Variants in GNS observed in about 807,000 individuals in gnomAD.
GNS encodes N-acetylglucosamine-6-sulfatase.
A neutral mutation model predicts 69.7 loss-of-function variants in GNS; 40 were observed. The ratio of observed to expected loss-of-function variants is 0.57; its 90% CI spans 0.45 to 0.75. The LOEUF (loss-of-function observed/expected upper bound fraction) is 0.75. Ranked by LOEUF, GNS falls within the 30% of genes least tolerant of loss-of-function variation. The probability of loss-of-function intolerance (pLI) is 0.00; values close to 1 mark genes in which losing one functional copy is unlikely to be tolerated. For missense variants in GNS, 565 were observed against 685.5 expected (o/e 0.82, Z 1.96); for synonymous variants, 243 against 251.6 (o/e 0.97, Z 0.32).
Position 64,714,694 on chromosome 12 carries a change from A to C in GNS, c.*2047T>G, listed in dbSNP as rs566964017. Reference sequence around the variant, plus strand: ...TGAGTTCTGCTCAGGAACAAGCATAAAACTGAATAATATGACATCACAGTC... The same window carrying C: ...TGAGTTCTGCTCAGGAACAAGCATACAACTGAATAATATGACATCACAGTC... On this transcript the variant is annotated 3_prime_UTR_variant, in exon 14 of 14. Coordinates refer to ENST00000258145, the MANE Select transcript of GNS (RefSeq NM_002076.4). 4 of 152,314 alleles carry C rather than the reference A, an allele frequency of 2.6e-5. No homozygotes were observed. Among genetic ancestry groups the C allele is most frequent in the Non-Finnish European group, 5.9e-5 (4 of 68,020 alleles). The allele number at this position is 152,314 out of a possible 1,614,324, so 9.4% of individuals were successfully genotyped here.
chr12:64,732,606 G>A (rs1313001403), intron 9 of GNS, among the ~76,000 whole-genome samples: 6 of 150,696 alleles, frequency 4.0e-5, no homozygotes, highest in Non-Finnish European at 8.9e-5. Flanking sequence ...GACTATAGGC[G>A]CCCGCCACCA....
At chr12:64,739,165 C>A (rs1869645318) in intron 8 of GNS, among the ~76,000 whole-genome samples, 1 of 152,162 alleles carries the variant, frequency 6.6e-6, no homozygotes, top group Admixed American at 6.5e-5. Flanking sequence ...TCCTAGAACA[C>A]CATGTCATCT....
At chr12:64,758,804 C>G (rs949187833) in intron 1 of GNS, among the ~76,000 whole-genome samples, 6 of 152,212 alleles carry the variant, frequency 3.9e-5, no homozygotes, top group Non-Finnish European at 7.3e-5. Context: ...CCATCCTCCA[C>G]TGGTCTCCAC....
At position 64,728,996 on chromosome 12, in the gene GNS, T is replaced by C. The variant is rs770725025; in HGVS notation, c.1160A>G (p.Asn387Ser). The change falls in exon 10 of 14, where the codon AAT becomes AGT. Residue 387 changes from asparagine (N) to serine (S), a missense_variant. Coordinates refer to ENST00000258145, the MANE Select transcript of GNS (RefSeq NM_002076.4). Reference protein sequence around the residue: ...TILDIAGYDLNKTQMDGMSLL... With the variant: ...TILDIAGYDLSKTQMDGMSLL... ...GGACATCCCATCCATCTGTGTCTTA[T>C]TTAGGTCGTAGCCAGCAATGTCCAA... is the stretch of plus-strand genomic sequence containing the variant. 1.2e-5 allele frequency: 20 copies of C among 1,602,332 alleles called. No homozygotes were observed. The highest frequency in any genetic ancestry group is 1.6e-5 in the Non-Finnish European group (19 of 1,169,244).
chr12:64,722,820 A>G, intron 11 of GNS, 186 bp downstream of exon 11: 1 of 606,094 alleles, frequency 1.6e-6, no homozygotes, highest in Non-Finnish European at 3.0e-6. Flanking sequence ...GCACATTCTG[A>G]TGACAGGTCA....
intron 9 of GNS, among the ~76,000 whole-genome samples, chr12:64,733,463 C>T (rs1262143265): frequency 6.6e-6 from 1 of 152,084 alleles, no homozygotes; most frequent in Non-Finnish European, 1.5e-5. Context: ...TCCAGACACC[C>T]AAACCCTGAT....
At chr12:64,758,495 T>C (rs1870347580) in intron 1 of GNS, among the ~76,000 whole-genome samples, 1 of 151,980 alleles carries the variant, frequency 6.6e-6, no homozygotes, top group Non-Finnish European at 1.5e-5. Context: ...GCTAGAATTA[T>C]TGTATTTCTA....
intron 6 of GNS, among the ~76,000 whole-genome samples, chr12:64,741,934 C>T (rs765422528): frequency 2.6e-5 from 4 of 152,302 alleles, no homozygotes; most frequent in African/African-American, 9.6e-5. Context: ...TTTTTATTAA[C>T]TTCTTTTGGA....
intron 9 of GNS, among the ~76,000 whole-genome samples, chr12:64,730,209 CAG>C (rs1467387188): frequency 6.6e-6 from 1 of 152,022 alleles, no homozygotes; most frequent in Non-Finnish European, 1.5e-5. Context: ...TCCTTGGACA[CAG>C]TGTTTATAGG....
At chr12:64,757,296 A>C (rs763862512) in intron 1 of GNS, among the ~76,000 whole-genome samples, 3 of 152,268 alleles carry the variant, frequency 2.0e-5, no homozygotes, top group Non-Finnish European at 4.4e-5. Context: ...TGAATACCTT[A>C]TATTTAAGTA....
At chr12:64,724,373 T>C (rs75991255) in intron 10 of GNS, among the ~76,000 whole-genome samples, 1,676 of 152,320 alleles carry the variant, frequency 0.011, 43 homozygotes, top group African/African-American at 0.039. Flanking sequence ...ATCACTGCTC[T>C]AAAGAATGCT....
intron 10 of GNS, 32 bp downstream of exon 10, chr12:64,728,924 G>A: frequency 1.0e-6 from 1 of 959,032 alleles, no homozygotes; most frequent in Non-Finnish European, 1.7e-6. Flanking sequence ...TTGCGGTCTT[G>A]GCTCAGGCCT....
intron 10 of GNS, among the ~76,000 whole-genome samples, chr12:64,726,297 C>T (rs74098643): frequency 0.034 from 5,173 of 150,528 alleles, 322 homozygotes; most frequent in African/African-American, 0.12. Context: ...TGGACAGATT[C>T]GTGGAGCAAA....
At chr12:64,756,983 G>A (rs956025208) in intron 1 of GNS, among the ~76,000 whole-genome samples, 5 of 152,116 alleles carry the variant, frequency 3.3e-5, no homozygotes, top group Admixed American at 6.5e-5. Context: ...GTTCAAGACC[G>A]ACTTGGGCAA....
chr12:64,720,168 G>T lies in GNS; in HGVS notation c.1434C>A (p.Val478=). ...GGTCTGGGTCTGCAGTCAGATTATA[G>T]ACTTCTACAAACACCTAGAGGACAT... is the stretch of plus-strand genomic sequence containing the variant. ...EFDDQEVFVE[V]YNLTADPDQI... Residue 478 remains valine, a synonymous_variant, in exon 13 of 14, where the codon GTC becomes GTA. Transcript: ENST00000258145. 1 of 1,600,756 alleles carries T rather than the reference G, an allele frequency of 6.2e-7. No individual in the cohort carries two copies. The highest frequency in any genetic ancestry group is 1.3e-5 in the African/African-American group (1 of 74,664).
intron 10 of GNS, 59 bp from the exon 11 acceptor site, chr12:64,723,172 A>G: frequency 9.4e-7 from 1 of 1,061,494 alleles, no homozygotes; most frequent in Non-Finnish European, 1.5e-6. Flanking sequence ...AAAGATCACA[A>G]AGTAATTGAC....
Position 64,741,062 on chromosome 12 carries a change from T to TAACTTTACCTTCCTCTA in GNS, c.793-375_793-374insTAGAGGAAGGTAAAGTT, listed in dbSNP as rs1369825036. Among the ~76,000 whole-genome samples the TAACTTTACCTTCCTCTA allele has an allele frequency of 1.4e-3, 98 of 72,424 alleles. 5 individuals carry two copies. The highest frequency in any genetic ancestry group is 5.1e-3 in the Middle Eastern group (1 of 198). The allele number at this position is 72,424 out of a possible 152,430, so 47.5% of individuals were successfully genotyped here. A position where few individuals can be genotyped will look rare whatever the true frequency, so the allele number is the denominator to read the frequency against. On this transcript the variant is annotated intron_variant, in intron 6 of 13. Transcript: ENST00000258145. ...CTACTACAATTAGAAAATGGGCAAA[T>TAACTTTACCTTCCTCTA]AGGGCGTAGTGGCGGGCGCCTGTAG...
At position 64,759,106 on chromosome 12, in the gene GNS, C is replaced by A. The variant is rs868445699; in HGVS notation, c.171G>T (p.Gln57His). Residue 57 changes from glutamine to histidine, a missense_variant, in exon 1 of 14, where the codon CAG becomes CAT. Transcript: ENST00000258145. ...PNVVLLLTDDQDEVLGGMTPL... is the reference protein window; with the variant it reads ...PNVVLLLTDDHDEVLGGMTPL... ...TTACCATGCCGCCGAGCACTTCGTC[C>A]TGGTCGTCCGTGAGGAGCAGCACCA... 1 of 1,564,186 alleles carries A rather than the reference C, an allele frequency of 6.4e-7. No individual in the cohort carries two copies.
At chr12:64,716,957 CA>C in intron 13 of GNS, 138 bp from the exon 14 acceptor site, 1 of 706,436 alleles carries the variant, frequency 1.4e-6, no homozygotes. Flanking sequence ...GTCTATGGTA[CA>C]AAACATGAGC....
Sources: gnomAD v4.1 joint callset for allele counts (sites outside exome capture counted in the v4.1 genomes callset) on GRCh38, gnomAD v4.1.1 for gene constraint, MANE v1.5 for transcripts, NCBI Gene and HGNC (gene_info 2026-07-23, HGNC 2026-07-21) for gene names.